Variants in CLVS1 observed in about 807,000 individuals in gnomAD.
CLVS1 encodes clavesin-1.
A neutral mutation model predicts 33.1 loss-of-function variants in CLVS1; 10 were observed. That is an observed-to-expected ratio of 0.30 (90% CI 0.19 to 0.51). The LOEUF (loss-of-function observed/expected upper bound fraction) is 0.51, where lower values mean the gene tolerates loss of function less well. Ranked by LOEUF, CLVS1 falls within the 20% of genes least tolerant of loss-of-function variation. The pLI is 0.97. For synonymous variants in CLVS1, 163 were observed against 166.1 expected, an observed-to-expected ratio of 0.98 and a Z score of 0.14; for missense variants, 343 against 433.4, an observed-to-expected ratio of 0.79 and a Z score of 1.85.
intron 2 of CLVS1, among the ~76,000 whole-genome samples, chr8:61,232,023 GTTTTTTTTT>G (rs1158042227): frequency 1.6e-5 from 1 of 62,628 alleles, no homozygotes; most frequent in Non-Finnish European, 3.9e-5. Flanking sequence ...GAAAGTTGTG[GTTTTTTTTT>G]TTTTTTTTTT....
intron 2 of CLVS1, among the ~76,000 whole-genome samples, chr8:61,196,270 A>G (rs576128957): frequency 6.6e-6 from 1 of 152,192 alleles, no homozygotes; most frequent in East Asian, 1.9e-4. Context: ...ATATTATGCA[A>G]AAATGTAAAA....
At chr8:61,049,908 G>GTATT in the CLVS1 span, among the ~76,000 whole-genome samples, 1 of 152,208 alleles carries the variant, frequency 6.6e-6, no homozygotes, top group Non-Finnish European at 1.5e-5. Flanking sequence ...CTGCAACAAT[G>GTATT]GCAATCCTGT....
At chr8:61,064,309 C>G (rs1585581798) in intron 1 of CLVS1, among the ~76,000 whole-genome samples, 1 of 152,194 alleles carries the variant, frequency 6.6e-6, no homozygotes, top group Admixed American at 6.5e-5. Context: ...CTGTTTTTCA[C>G]AGACGCTGCA....
chr8:61,360,250 G>C (rs1410090639), intron 2 of CLVS1, among the ~76,000 whole-genome samples: 1 of 152,108 alleles, frequency 6.6e-6, no homozygotes, highest in African/African-American at 2.4e-5. Context: ...GCAAGAAAAT[G>C]CTTTCTAATC....
chr8:61,394,371 G>C (rs1399445507), intron 3 of CLVS1, among the ~76,000 whole-genome samples: 1 of 152,134 alleles, frequency 6.6e-6, no homozygotes, highest in African/African-American at 2.4e-5. Flanking sequence ...GGTTCCTTAG[G>C]TGATGGGCTG....
upstream of CLVS1, among the ~76,000 whole-genome samples, chr8:61,285,473 C>T (rs560397650): frequency 6.6e-6 from 1 of 152,322 alleles, no homozygotes; most frequent in African/African-American, 2.4e-5. Context: ...CACATGGAAG[C>T]TGCCTACATA....
chr8:61,350,777 C>T (rs1812422377), intron 2 of CLVS1, among the ~76,000 whole-genome samples: 1 of 152,090 alleles, frequency 6.6e-6, no homozygotes, highest in African/African-American at 2.4e-5. Flanking sequence ...GATTCCCAGT[C>T]ACCCGCACGG....
At chr8:61,477,675 T>A (rs1818006290) in intron 5 of CLVS1, among the ~76,000 whole-genome samples, 1 of 152,216 alleles carries the variant, frequency 6.6e-6, no homozygotes, top group Non-Finnish European at 1.5e-5. Context: ...TGTGTCTATT[T>A]GATTCTTCTC....
At chr8:61,341,604 A>G (rs1229655078) in intron 2 of CLVS1, among the ~76,000 whole-genome samples, 3 of 152,012 alleles carry the variant, frequency 2.0e-5, no homozygotes, top group Admixed American at 6.6e-5. Context: ...GGGAATGCAC[A>G]CCTCCGTGAA....
the CLVS1 span, among the ~76,000 whole-genome samples, chr8:61,039,807 T>G: frequency 6.6e-6 from 1 of 152,238 alleles, no homozygotes; most frequent in Non-Finnish European, 1.5e-5. Flanking sequence ...CCCAAAGTAC[T>G]GAGATTACAG....
intron 1 of CLVS1, among the ~76,000 whole-genome samples, chr8:61,298,163 CT>C (rs1810288478): frequency 1.3e-5 from 2 of 151,724 alleles, no homozygotes; most frequent in Admixed American, 1.3e-4. Flanking sequence ...TTGGGTAAGG[CT>C]GCTTTCTGAA....
the CLVS1 span, among the ~76,000 whole-genome samples, chr8:61,021,080 C>T: frequency 2.0e-5 from 3 of 152,288 alleles, no homozygotes; most frequent in African/African-American, 7.2e-5. Flanking sequence ...TGCTTCCCCC[C>T]TTTAAAAAAA....
At chr8:61,223,157 G>A (rs1374901135) in intron 2 of CLVS1, among the ~76,000 whole-genome samples, 1 of 152,036 alleles carries the variant, frequency 6.6e-6, no homozygotes, top group Non-Finnish European at 1.5e-5. Flanking sequence ...TCTTTTAATT[G>A]GAGAATTTAG....
the CLVS1 span, among the ~76,000 whole-genome samples, chr8:60,990,080 G>A: frequency 1.5e-4 from 20 of 137,804 alleles, no homozygotes; most frequent in Non-Finnish European, 1.1e-4. Context: ...AGCCGAGATC[G>A]CGTCACTGCT....
chr8:61,030,654 C>T, the CLVS1 span, among the ~76,000 whole-genome samples: 2 of 152,218 alleles, frequency 1.3e-5, no homozygotes, highest in African/African-American at 4.8e-5. Flanking sequence ...TGGCTGTGGA[C>T]AGGTGGCTGT....
chr8:61,427,349 G>T (rs1815932818), intron 3 of CLVS1, among the ~76,000 whole-genome samples: 1 of 152,060 alleles, frequency 6.6e-6, no homozygotes, highest in Non-Finnish European at 1.5e-5. Flanking sequence ...AGCCTTGCTA[G>T]CTTCCTTTAT....
chr8:61,316,201 A>G (rs886277930), intron 2 of CLVS1, among the ~76,000 whole-genome samples: 3 of 152,170 alleles, frequency 2.0e-5, no homozygotes, highest in Non-Finnish European at 2.9e-5. Context: ...AGCCATATGC[A>G]CACGTATGTT....
chr8:61,216,093 G>T (rs559665803), intron 2 of CLVS1, among the ~76,000 whole-genome samples: 1 of 152,292 alleles, frequency 6.6e-6, no homozygotes, highest in East Asian at 1.9e-4. Flanking sequence ...AGACTGCCTT[G>T]GGGATTGAGA....
At chr8:61,337,513 C>T (rs1053596633) in intron 2 of CLVS1, among the ~76,000 whole-genome samples, 1 of 152,118 alleles carries the variant, frequency 6.6e-6, no homozygotes, top group Non-Finnish European at 1.5e-5. Flanking sequence ...GACTGCCCCT[C>T]CAGGATTTCC....
Sources: gnomAD v4.1 joint callset for allele counts (sites outside exome capture counted in the v4.1 genomes callset) on GRCh38, gnomAD v4.1.1 for gene constraint, MANE v1.5 for transcripts, NCBI Gene and HGNC (gene_info 2026-07-23, HGNC 2026-07-21) for gene names.